The following ZNF385D variants were observed in gnomAD, a reference collection of about 807,000 sequenced individuals.
ZNF385D encodes the protein zinc finger protein 385D.
A neutral mutation model predicts 35.8 loss-of-function variants in ZNF385D; 15 were observed. The observed-to-expected ratio is 0.42, with a 90% CI of 0.28 to 0.64. The LOEUF (loss-of-function observed/expected upper bound fraction) is 0.64. ZNF385D is among the 30% of genes least tolerant of loss of function. The pLI is 0.23. For missense variants in ZNF385D, 474 were observed against 494.6 expected, an observed-to-expected ratio of 0.96 and a Z score of 0.39; for synonymous variants, 212 against 186.8, an observed-to-expected ratio of 1.13 and a Z score of -1.10.
intron 2 of ZNF385D, among the ~76,000 whole-genome samples, chr3:21,565,474 G>A (rs2063110157): frequency 6.6e-6 from 1 of 152,092 alleles, no homozygotes; most frequent in Non-Finnish European, 1.5e-5. Context: ...AAACTCTTGG[G>A]TTCAAGCAGC....
At chr3:21,775,387 C>T (rs977094172) in intron 3 of ZNF385D, among the ~76,000 whole-genome samples, 3 of 151,578 alleles carry the variant, frequency 2.0e-5, no homozygotes, top group African/African-American at 7.3e-5. Context: ...GGAATTGCCT[C>T]TGCTAGCTAA....
At chr3:21,470,908 A>C (rs1703840398) in intron 4 of ZNF385D, among the ~76,000 whole-genome samples, 1 of 152,148 alleles carries the variant, frequency 6.6e-6, no homozygotes, top group South Asian at 2.1e-4. Flanking sequence ...ACTGCATTTC[A>C]ACAAAATGGT....
upstream of ZNF385D, among the ~76,000 whole-genome samples, chr3:21,752,366 G>A (rs748091384): frequency 7.2e-5 from 11 of 152,096 alleles, no homozygotes; most frequent in Non-Finnish European, 1.2e-4. Context: ...GAATGCAATT[G>A]ATATATTTTT....
chr3:21,977,661 T>C (rs1401496565), intron 3 of ZNF385D, among the ~76,000 whole-genome samples: 2 of 151,838 alleles, frequency 1.3e-5, no homozygotes, highest in African/African-American at 4.8e-5. Context: ...TCTAAAAATA[T>C]ATATATAAAA....
intron 2 of ZNF385D, among the ~76,000 whole-genome samples, chr3:22,179,980 A>C (rs532428081): frequency 6.6e-6 from 1 of 152,340 alleles, no homozygotes; most frequent in East Asian, 1.9e-4. Context: ...ACCCTTCAAA[A>C]AATCAATGAA....
intron 3 of ZNF385D, among the ~76,000 whole-genome samples, chr3:21,980,038 T>C (rs1694339062): frequency 6.6e-6 from 1 of 152,192 alleles, no homozygotes; most frequent in South Asian, 2.1e-4. Context: ...CATTGTGATA[T>C]CTGAGCAAGA....
At chr3:21,807,999 A>G (rs1017467596) in intron 3 of ZNF385D, among the ~76,000 whole-genome samples, 1 of 152,150 alleles carries the variant, frequency 6.6e-6, no homozygotes, top group Non-Finnish European at 1.5e-5. Context: ...CTCATGTATG[A>G]CCAAATATGT....
intron 3 of ZNF385D, among the ~76,000 whole-genome samples, chr3:21,774,633 G>C (rs762157743): frequency 6.6e-6 from 1 of 151,758 alleles, no homozygotes; most frequent in African/African-American, 2.4e-5. Context: ...TGCAGAGATA[G>C]AGAGAAGTGA....
intron 3 of ZNF385D, among the ~76,000 whole-genome samples, chr3:22,079,734 G>A (rs1010375352): frequency 5.3e-5 from 8 of 151,816 alleles, no homozygotes; most frequent in African/African-American, 1.9e-4. Flanking sequence ...TTTGAAGGAT[G>A]GTTTTTTCCT....
intron 2 of ZNF385D, among the ~76,000 whole-genome samples, chr3:22,300,942 T>C (rs1041469832): frequency 6.6e-6 from 1 of 152,022 alleles, no homozygotes; most frequent in Admixed American, 6.6e-5. Flanking sequence ...TGGGTATATA[T>C]CCAAAGGAAT....
chr3:22,017,384 A>G (rs1168809241), intron 3 of ZNF385D, among the ~76,000 whole-genome samples: 1 of 151,960 alleles, frequency 6.6e-6, no homozygotes, highest in East Asian at 1.9e-4. Context: ...TCTCTGGCAT[A>G]TCTCTTTTCA....
intron 1 of ZNF385D, among the ~76,000 whole-genome samples, chr3:21,712,447 T>A (rs901413777): frequency 1.3e-5 from 2 of 152,194 alleles, no homozygotes; most frequent in African/African-American, 2.4e-5. Flanking sequence ...GTCACTTCCA[T>A]CCCTACATTT....
At chr3:21,670,448 A>G (rs2066531460) in intron 1 of ZNF385D, among the ~76,000 whole-genome samples, 1 of 151,868 alleles carries the variant, frequency 6.6e-6, no homozygotes, top group East Asian at 1.9e-4. Context: ...CTAATTTGAC[A>G]TACATGGAGA....
At chr3:21,650,134 A>G (rs1396009300) in intron 2 of ZNF385D, among the ~76,000 whole-genome samples, 1 of 152,224 alleles carries the variant, frequency 6.6e-6, no homozygotes, top group Non-Finnish European at 1.5e-5. Context: ...AGTATTTCAA[A>G]AACTGAAGAT....
chr3:21,979,376 T>C (rs1196093168), intron 3 of ZNF385D, among the ~76,000 whole-genome samples: 1 of 152,236 alleles, frequency 6.6e-6, no homozygotes, highest in Non-Finnish European at 1.5e-5. Context: ...AACCTCATTG[T>C]AGACATAAGA....
At chr3:22,035,155 C>T (rs1698238964) in intron 3 of ZNF385D, among the ~76,000 whole-genome samples, 1 of 152,128 alleles carries the variant, frequency 6.6e-6, no homozygotes, top group Admixed American at 6.5e-5. Flanking sequence ...TCTGGATGAA[C>T]TGTGTTAAAT....
intron 3 of ZNF385D, among the ~76,000 whole-genome samples, chr3:21,982,744 T>C (rs567042637): frequency 6.6e-6 from 1 of 152,324 alleles, no homozygotes; most frequent in Admixed American, 6.5e-5. Context: ...TCTTATTATT[T>C]TGAGGTATGT....
At chr3:21,662,722 G>C (rs1263488939) in intron 2 of ZNF385D, among the ~76,000 whole-genome samples, 1 of 152,136 alleles carries the variant, frequency 6.6e-6, no homozygotes, top group East Asian at 1.9e-4. Context: ...GAGCAACAGA[G>C]GGCCTCTTGG....
intron 3 of ZNF385D, among the ~76,000 whole-genome samples, chr3:21,818,666 T>C (rs2073265728): frequency 6.6e-6 from 1 of 152,128 alleles, no homozygotes; most frequent in African/African-American, 2.4e-5. Context: ...TCACACTCCA[T>C]GGGCATATGG....
Sources: gnomAD v4.1 joint callset for allele counts (sites outside exome capture counted in the v4.1 genomes callset) on GRCh38, gnomAD v4.1.1 for gene constraint, MANE v1.5 for transcripts, NCBI Gene and HGNC (gene_info 2026-07-23, HGNC 2026-07-21) for gene names.